The following EPHX1 variants were observed in gnomAD, a reference collection of about 807,000 sequenced individuals.
EPHX1 encodes the protein epoxide hydrolase 1, also known as epoxide hydratase.
EPHX1 carries 40 observed loss-of-function variants against 43.2 expected under a neutral mutation model. The ratio of observed to expected loss-of-function variants is 0.93; its 90% CI spans 0.72 to 1.21. The LOEUF (loss-of-function observed/expected upper bound fraction) is 1.21, where lower values mean the gene tolerates loss of function less well. Among genes scored for constraint, EPHX1 ranks in the 50% most tolerant of loss-of-function variants. EPHX1 has a pLI of 0.00. For missense variants in EPHX1, 550 were observed against 570.4 expected (o/e 0.96, Z 0.36); for synonymous variants, 221 against 226.7 (o/e 0.98, Z 0.22).
chr1:225,836,081 A>G (rs1559023229), intron 3 of EPHX1, among the ~76,000 whole-genome samples: 3 of 151,870 alleles, frequency 2.0e-5, no homozygotes, highest in Admixed American at 6.6e-5. Context: ...AATAGAATGT[A>G]TGTATGGTTC....
intron 1 of EPHX1, among the ~76,000 whole-genome samples, chr1:225,821,565 CTTTTTTTTTT>C (rs869228485): frequency 2.9e-5 from 2 of 69,864 alleles, no homozygotes; most frequent in African/African-American, 6.4e-5. Context: ...TTTTTTGGTT[CTTTTTTTTTT>C]TTTTTTTTTT....
At chr1:225,830,835 C>T (rs1228168562) in intron 2 of EPHX1, among the ~76,000 whole-genome samples, 1 of 152,182 alleles carries the variant, frequency 6.6e-6, no homozygotes, top group Non-Finnish European at 1.5e-5. Flanking sequence ...GTCAGGAAAC[C>T]AGGCCCATAG....
intron 1 of EPHX1, among the ~76,000 whole-genome samples, chr1:225,815,034 G>A (rs1666655556): frequency 6.6e-6 from 1 of 152,226 alleles, no homozygotes; most frequent in Non-Finnish European, 1.5e-5. Flanking sequence ...TTCTGGCTGT[G>A]GCAGGACCTG....
rs775682443 is a variant in EPHX1 at position 225,844,605 on chromosome 1, T to A, written c.1148T>A (p.Met383Lys). 1.2e-6 allele frequency: 2 copies of A among 1,614,100 alleles called. No homozygotes were observed. The highest frequency in any genetic ancestry group is 1.7e-6 in the Non-Finnish European group (2 of 1,180,012). Residue 383 changes from methionine (M) to lysine (K), a missense_variant, in exon 8 of 9, where the codon ATG (methionine) becomes AAG (lysine). Transcript: ENST00000272167. Reference sequence around the variant, plus strand: ...AAGGAGAACCTGGGACAGGGCTGGATGACCCAGAAGCATGAGCGGTGAGCC... The same window carrying A: ...AAGGAGAACCTGGGACAGGGCTGGAAGACCCAGAAGCATGAGCGGTGAGCC... ...FYKENLGQGW[M>K]TQKHERMKVY...
At chr1:225,822,589 T>A (rs1667024390) in intron 1 of EPHX1, among the ~76,000 whole-genome samples, 2 of 152,180 alleles carry the variant, frequency 1.3e-5, no homozygotes, top group South Asian at 4.1e-4. Flanking sequence ...TTTGAAGAAG[T>A]TCTAATGTTT....
At chr1:225,823,194 T>C (rs1302427288) in intron 1 of EPHX1, among the ~76,000 whole-genome samples, 1 of 64,834 alleles carries the variant, frequency 1.5e-5, no homozygotes. Context: ...AGCAGCCCCT[T>C]TATTACTTTT....
intron 1 of EPHX1, among the ~76,000 whole-genome samples, chr1:225,819,470 C>T (rs1014722952): frequency 6.6e-6 from 1 of 151,708 alleles, no homozygotes; most frequent in African/African-American, 2.4e-5. Context: ...AGGGGTAGAG[C>T]AGATGTGAGT....
chr1:225,840,077 C>A (rs1234421804), intron 6 of EPHX1, 40 bp downstream of exon 6: 1 of 1,605,574 alleles, frequency 6.2e-7, no homozygotes, highest in Non-Finnish European at 8.5e-7. Flanking sequence ...GCCGGCTCCA[C>A]TGGGGCAGGG....
At chr1:225,841,567 A>G (rs1257950565) in intron 6 of EPHX1, among the ~76,000 whole-genome samples, 1 of 144,390 alleles carries the variant, frequency 6.9e-6, no homozygotes, top group African/African-American at 2.6e-5. Flanking sequence ...TACAGGTGTG[A>G]GCCACCGCAC....
chr1:225,837,167 T>C (rs986981420), intron 3 of EPHX1, among the ~76,000 whole-genome samples: 3 of 152,230 alleles, frequency 2.0e-5, no homozygotes, highest in African/African-American at 7.2e-5. Context: ...ATGTTTTCTT[T>C]AGAGAGTGGG....
intron 6 of EPHX1, 80 bp downstream of exon 6, chr1:225,840,117 A>G: frequency 7.5e-7 from 1 of 1,339,842 alleles, no homozygotes. Context: ...TCACCACCCC[A>G]CCCCAATGCT....
rs753521411 is a variant in EPHX1, at chr1:225,831,882, A to G, written c.287A>G (p.Tyr96Cys). The G allele has an allele frequency of 1.9e-6, 3 of 1,614,144 alleles. No individual in the cohort carries two copies. Among genetic ancestry groups the G allele is most frequent in the African/African-American group, 1.3e-5 (1 of 75,044 alleles). Residue 96 changes from tyrosine to cysteine, a missense_variant, in exon 3 of 9, where the codon TAC (tyrosine) becomes TGC (cysteine). Transcript: ENST00000272167. ...NSNYLKKVIS[Y>C]WRNEFDWKKQ... ...AACTACCTGAAGAAAGTCATCTCCT[A>G]CTGGCGGAATGAATTTGACTGGAAG...
chr1:225,839,127 G>T, intron 4 of EPHX1, 90 bp from the exon 5 acceptor site: 1 of 1,596,392 alleles, frequency 6.3e-7, no homozygotes, highest in Non-Finnish European at 8.5e-7. Flanking sequence ...GGGGGTAGGC[G>T]GGCCTGAGAA....
intron 3 of EPHX1, among the ~76,000 whole-genome samples, chr1:225,834,083 G>A (rs1319136975): frequency 8.8e-6 from 1 of 114,072 alleles, no homozygotes; most frequent in African/African-American, 3.6e-5. Context: ...GGGTGACAGG[G>A]CAAGACTCTG....
chr1:225,845,336 G>A lies in EPHX1; in HGVS notation c.1357G>A (p.Glu453Lys), dbSNP rs1463449463. The A allele has an allele frequency of 5.0e-6, 8 of 1,609,572 alleles. No individual in the cohort carries two copies. The highest frequency in any genetic ancestry group is 2.7e-5 in the African/African-American group (2 of 74,844). ...CATCCGCAAGTTCCTGTCGGTGCTG[G>A]AGCGGCAATGACCCACCCCTCTCCC... ...QDIRKFLSVLERQ is the reference protein window; with the variant it reads ...QDIRKFLSVLKRQ Residue 453 changes from glutamate to lysine, a missense_variant, in exon 9 of 9, where the codon GAG (glutamate) becomes AAG (lysine). Coordinates refer to ENST00000272167, the MANE Select transcript of EPHX1 (RefSeq NM_001136018.4).
At chr1:225,823,395 T>A (rs1322457478) in intron 1 of EPHX1, among the ~76,000 whole-genome samples, 2 of 152,206 alleles carry the variant, frequency 1.3e-5, no homozygotes, top group Non-Finnish European at 2.9e-5. Flanking sequence ...TCAGAGTTGC[T>A]GTTTTGCAGG....
chr1:225,831,538 C>A (rs1234432246), intron 2 of EPHX1, among the ~76,000 whole-genome samples: 2 of 137,614 alleles, frequency 1.5e-5, no homozygotes, highest in African/African-American at 5.3e-5. Context: ...CAGAGTGAGA[C>A]CCTATCTCAA....
In EPHX1 at chr1:225,817,141, C is replaced by G. The variant is rs890201821; in HGVS notation, c.-6+6972C>G. 6.6e-6 allele frequency among the ~76,000 whole-genome samples: 1 copy of G among 152,220 alleles called. No homozygotes were observed. Among genetic ancestry groups the G allele is most frequent in the Non-Finnish European group, 1.5e-5 (1 of 68,038 alleles). ...GATAAACACGGCCATTGGCCTGGTG[C>G]ACAATCCCAGCTTGCCTGCATCCGG... On this transcript the variant is annotated intron_variant, in intron 1 of 8. Transcript: ENST00000272167. The surrounding 1 kb of genome is among the most constrained non-coding windows in gnomAD (Gnocchi z 5.7).
At chr1:225,813,770 CTTTCCGTCTGT>C (rs952399281) in intron 1 of EPHX1, among the ~76,000 whole-genome samples, 3 of 152,214 alleles carry the variant, frequency 2.0e-5, no homozygotes, top group Non-Finnish European at 2.9e-5. Flanking sequence ...CTGTCTGTGT[CTTTCCGTCTGT>C]TGCCTGGTGG....
Sources: gnomAD v4.1 joint callset for allele counts (sites outside exome capture counted in the v4.1 genomes callset) on GRCh38, gnomAD v4.1.1 for gene constraint, Gnocchi (gnomAD v3.1) non-coding constraint, MANE v1.5 for transcripts, NCBI Gene and HGNC (gene_info 2026-07-23, HGNC 2026-07-21) for gene names.